Variants in ATP8B4 observed in about 807,000 individuals in gnomAD.
ATP8B4 encodes the protein probable phospholipid-transporting ATPase IM.
Under a neutral mutation model 145.6 loss-of-function variants are expected in ATP8B4, and 133 were observed. That is an observed-to-expected ratio of 0.91 (90% confidence interval 0.79 to 1.05). The LOEUF (loss-of-function observed/expected upper bound fraction) is 1.05, where lower values mean the gene tolerates loss of function less well. ATP8B4 is among the 50% of genes least tolerant of loss of function. The pLI, the probability that ATP8B4 is intolerant of heterozygous loss-of-function variation, is 0.00. For synonymous variants in ATP8B4, 507 were observed against 492.9 expected, an observed-to-expected ratio of 1.03 and a Z score of -0.38; for missense variants, 1,458 against 1,425.2, an observed-to-expected ratio of 1.02 and a Z score of -0.37.
At chr15:50,038,656 T>C in intron 6 of ATP8B4, 112 bp downstream of exon 6, 1 of 793,904 alleles carries the variant, frequency 1.3e-6, no homozygotes, top group African/African-American at 1.8e-5. Context: ...TTTTAATAAA[T>C]TAAAGGGAAA....
chr15:50,031,174 C>T lies in ATP8B4; in HGVS notation c.362+7594G>A, dbSNP rs1428164546. On this transcript the variant is annotated intron_variant, in intron 6 of 27. Transcript: ENST00000284509. ...CCACTCTTTGTAGCTTGCTTTTGAA[C>T]TCATTGTTATGCCTATGGCTGTTAC... Among the ~76,000 whole-genome samples the T allele has an allele frequency of 2.0e-5, 3 of 152,166 alleles. No homozygotes were observed. In the East Asian group the frequency reaches 5.8e-4, roughly 29 times the overall value.
intron 1 of ATP8B4, among the ~76,000 whole-genome samples, chr15:50,115,800 C>A (rs1303040861): frequency 6.6e-6 from 1 of 152,194 alleles, no homozygotes. Context: ...CTCACCAAAA[C>A]TCTACGAGCA....
intron 3 of ATP8B4, among the ~76,000 whole-genome samples, chr15:50,072,962 CTCTCTCTCTCTCTCTCTCTATATATATA>C (rs1252820321): frequency 1.8e-4 from 6 of 34,024 alleles, no homozygotes; most frequent in Middle Eastern, 0.011. Flanking sequence ...CTCTCTCTCT[CTCTCTCTCTCTCTCTCTCTATATATATA>C]TATATATATA....
rs12438245 is a variant in ATP8B4, at chr15:50,086,007, A to G, written c.29-11822T>C. On this transcript the variant is annotated intron_variant, in intron 2 of 27. Coordinates refer to ENST00000284509, the MANE Select transcript of ATP8B4 (RefSeq NM_024837.4). ...TATATCATATATATTTATTATATAT[A>G]ATATATATAGATCTATATTTATTAT... is the stretch of plus-strand genomic sequence containing the variant. Among the ~76,000 whole-genome samples, 234 of 68,176 alleles carry G rather than the reference A, an allele frequency of 3.4e-3. 14 individuals carry two copies. The highest frequency in any genetic ancestry group is 4.9e-3 in the Non-Finnish European group (190 of 39,072). 44.7% of individuals were successfully genotyped at this position (68,176 alleles called of 152,430 possible).
At chr15:49,866,621 C>A (rs34160480) in intron 25 of ATP8B4, 137 bp from the exon 26 acceptor site, 2 of 967,824 alleles carry the variant, frequency 2.1e-6, no homozygotes, top group Admixed American at 4.8e-5. Context: ...CGCGGGCATC[C>A]CCACTTTCTG....
At chr15:50,095,550 C>A (rs1034310812) in intron 2 of ATP8B4, among the ~76,000 whole-genome samples, 2 of 152,000 alleles carry the variant, frequency 1.3e-5, no homozygotes, top group African/African-American at 2.4e-5. Context: ...TCAGGCCAGG[C>A]CTTCAAGACA....
At chr15:50,035,903 A>G (rs1372893793) in intron 6 of ATP8B4, among the ~76,000 whole-genome samples, 2 of 152,072 alleles carry the variant, frequency 1.3e-5, no homozygotes, top group African/African-American at 2.4e-5. Context: ...TGCCAGAAAT[A>G]CACAAGGGAA....
chr15:50,130,546 G>C (rs1162582001), intron 1 of ATP8B4, among the ~76,000 whole-genome samples: 1 of 152,062 alleles, frequency 6.6e-6, no homozygotes, highest in Non-Finnish European at 1.5e-5. Flanking sequence ...GGAGGCTGAG[G>C]CGAGCGGATC....
intron 25 of ATP8B4, among the ~76,000 whole-genome samples, chr15:49,872,867 G>A (rs192770374): frequency 6.6e-6 from 1 of 152,182 alleles, no homozygotes; most frequent in African/African-American, 2.4e-5. Context: ...CAAATCTGTG[G>A]CTCAGTTAAT....
At chr15:49,903,269 T>A (rs912701729) in intron 20 of ATP8B4, among the ~76,000 whole-genome samples, 1 of 152,224 alleles carries the variant, frequency 6.6e-6, no homozygotes, top group African/African-American at 2.4e-5. Flanking sequence ...AAGCTACACA[T>A]AACTCCCTTC....
chr15:49,928,376 A>G (rs1302614938), intron 16 of ATP8B4, among the ~76,000 whole-genome samples: 2 of 152,136 alleles, frequency 1.3e-5, no homozygotes, highest in Non-Finnish European at 2.9e-5. Flanking sequence ...TCAAGACAGG[A>G]GAACAGCATG....
At chr15:49,990,807 A>G (rs1178087265) in intron 9 of ATP8B4, among the ~76,000 whole-genome samples, 1 of 152,216 alleles carries the variant, frequency 6.6e-6, no homozygotes, top group Non-Finnish European at 1.5e-5. Context: ...CAACTCTTCC[A>G]TAAGACAAAT....
At chr15:50,167,170 C>A (rs572570909) in intron 1 of ATP8B4, among the ~76,000 whole-genome samples, 1 of 152,244 alleles carries the variant, frequency 6.6e-6, no homozygotes, top group East Asian at 1.9e-4. Flanking sequence ...AAGTCAAAAT[C>A]CCAATTTATT....
intron 26 of ATP8B4, among the ~76,000 whole-genome samples, chr15:49,863,821 A>G (rs909089061): frequency 1.3e-5 from 2 of 152,186 alleles, no homozygotes; most frequent in Non-Finnish European, 2.9e-5. Flanking sequence ...AGGAAAAAAA[A>G]AATTTTCCTG....
chr15:49,897,066 C>T (rs1230747791), intron 23 of ATP8B4: 4 of 484,078 alleles, frequency 8.3e-6, no homozygotes, highest in East Asian at 6.5e-5. Flanking sequence ...CACTGGTTGA[C>T]TATCTAAATA....
At chr15:50,108,437 T>G (rs1162102020) in intron 1 of ATP8B4, among the ~76,000 whole-genome samples, 1 of 152,042 alleles carries the variant, frequency 6.6e-6, no homozygotes, top group Non-Finnish European at 1.5e-5. Context: ...CTAACATGAC[T>G]CCTAGGACCT....
chr15:50,024,184 T>C (rs765719005), intron 6 of ATP8B4, among the ~76,000 whole-genome samples: 1 of 152,166 alleles, frequency 6.6e-6, no homozygotes, highest in Non-Finnish European at 1.5e-5. Context: ...GTTCTCACAG[T>C]GGTTAAGTCT....
At chr15:50,068,547 C>A (rs1414586414) in intron 3 of ATP8B4, among the ~76,000 whole-genome samples, 1 of 152,176 alleles carries the variant, frequency 6.6e-6, no homozygotes, top group East Asian at 1.9e-4. Flanking sequence ...TAAGCCTATG[C>A]ACTTCCTAAA....
At chr15:50,056,891 TA>T (rs1410372933) in intron 3 of ATP8B4, among the ~76,000 whole-genome samples, 2 of 152,092 alleles carry the variant, frequency 1.3e-5, no homozygotes, top group South Asian at 2.1e-4. Context: ...AATTTCTTTT[TA>T]TTTTTTTATT....
Sources: gnomAD v4.1 joint callset for allele counts (sites outside exome capture counted in the v4.1 genomes callset) on GRCh38, gnomAD v4.1.1 for gene constraint, MANE v1.5 for transcripts, NCBI Gene and HGNC (gene_info 2026-07-23, HGNC 2026-07-21) for gene names.